The following CHSY3 variants were observed in gnomAD, a reference collection of about 807,000 sequenced individuals.
CHSY3 encodes N-acetylgalactosaminyl-proteoglycan 3-beta-glucuronosyltransferase 3.
In CHSY3, 35 loss-of-function variants were observed where a neutral mutation model predicts 67.2. That is an observed-to-expected ratio of 0.52 (90% CI 0.40 to 0.69). The LOEUF (loss-of-function observed/expected upper bound fraction) is 0.69, where lower values mean the gene tolerates loss of function less well. Among genes scored for constraint, CHSY3 ranks in the 30% least tolerant of loss-of-function variants. The pLI, the probability that CHSY3 is intolerant of heterozygous loss-of-function variation, is 0.00. For missense variants in CHSY3, 1,069 were observed against 1,138.5 expected, an observed-to-expected ratio of 0.94 and a Z score of 0.88; for synonymous variants, 474 against 434.7, an observed-to-expected ratio of 1.09 and a Z score of -1.12.
chr5:130,001,518 A>G (rs575274432), intron 2 of CHSY3: 19 of 959,392 alleles, frequency 2.0e-5, no homozygotes, highest in Middle Eastern at 5.3e-4. Context: ...AGGGCCTGGG[A>G]TGAGAACCAA....
chr5:129,907,504 A>G (rs1760352851), intron 1 of CHSY3, among the ~76,000 whole-genome samples: 1 of 152,220 alleles, frequency 6.6e-6, no homozygotes, highest in African/African-American at 2.4e-5. Flanking sequence ...ACAAACTGCA[A>G]GTGAAACCAA....
At chr5:129,979,899 T>C (rs552421734) in intron 2 of CHSY3, among the ~76,000 whole-genome samples, 1 of 152,322 alleles carries the variant, frequency 6.6e-6, no homozygotes, top group South Asian at 2.1e-4. Context: ...GCATTTAAGA[T>C]TCTCCTATGT....
In CHSY3 at chr5:130,000,902, T is replaced by C. The variant is rs562506968; in HGVS notation, c.1086+92542T>C. On this transcript the variant is annotated intron_variant, in intron 2 of 2. Transcript: ENST00000305031. ...CCTGTCTTCTTTTTTTTTTTTTTTT[T>C]CTCCAAGACAGAGTCTCGCTCTGTC... 6.4e-3 allele frequency among the ~76,000 whole-genome samples: 934 copies of C among 146,678 alleles called. 13 individuals are homozygous for C. Among genetic ancestry groups the C allele is most frequent in the African/African-American group, 0.022 (882 of 39,380 alleles).
At chr5:130,091,630 A>G (rs1254401169) in intron 2 of CHSY3, among the ~76,000 whole-genome samples, 1 of 152,206 alleles carries the variant, frequency 6.6e-6, no homozygotes, top group Non-Finnish European at 1.5e-5. Context: ...TAGGATTAAG[A>G]TAATTACACT....
chr5:130,028,686 G>A (rs1219641604), intron 2 of CHSY3, among the ~76,000 whole-genome samples: 1 of 151,792 alleles, frequency 6.6e-6, no homozygotes, highest in Admixed American at 6.6e-5. Flanking sequence ...AGAGGGTGCT[G>A]GAAAAAATCT....
At chr5:130,066,524 G>A (rs963444560) in intron 2 of CHSY3, among the ~76,000 whole-genome samples, 9 of 152,084 alleles carry the variant, frequency 5.9e-5, no homozygotes, top group African/African-American at 2.2e-4. Flanking sequence ...GGGGTGTATA[G>A]TGTAGTAGGA....
intron 2 of CHSY3, among the ~76,000 whole-genome samples, chr5:130,171,771 C>G (rs1238888752): frequency 6.6e-6 from 1 of 152,096 alleles, no homozygotes; most frequent in South Asian, 2.1e-4. Flanking sequence ...GGATTTCAAC[C>G]AAGACTGAAC....
At chr5:130,085,619 C>G (rs1051371577) in intron 2 of CHSY3, among the ~76,000 whole-genome samples, 1 of 152,032 alleles carries the variant, frequency 6.6e-6, no homozygotes, top group Non-Finnish European at 1.5e-5. Flanking sequence ...TTCAGTTCTG[C>G]TCTGATTTTA....
intron 2 of CHSY3, among the ~76,000 whole-genome samples, chr5:129,946,748 A>G (rs1394619897): frequency 6.6e-6 from 1 of 152,172 alleles, no homozygotes; most frequent in African/African-American, 2.4e-5. Flanking sequence ...TGTTGTTGCA[A>G]ATGGCAAGAT....
At chr5:130,020,422 A>AATATAT (rs1174657766) in intron 2 of CHSY3, among the ~76,000 whole-genome samples, 82 of 33,298 alleles carry the variant, frequency 2.5e-3, no homozygotes, top group African/African-American at 2.7e-3. Context: ...TTCATCTCAA[A>AATATAT]ATATATATAT....
chr5:129,926,187 G>A (rs562191981), intron 2 of CHSY3, among the ~76,000 whole-genome samples: 28 of 152,060 alleles, frequency 1.8e-4, no homozygotes, highest in East Asian at 5.8e-4. Context: ...ATTTGGTCAC[G>A]AACCAAAGTT....
intron 2 of CHSY3, among the ~76,000 whole-genome samples, chr5:129,958,121 A>T (rs904569029): frequency 6.6e-6 from 1 of 152,142 alleles, no homozygotes; most frequent in Non-Finnish European, 1.5e-5. Flanking sequence ...CAGAGCATCC[A>T]GTTATTTTTA....
At chr5:130,152,872 C>A (rs1769268377) in intron 2 of CHSY3, among the ~76,000 whole-genome samples, 1 of 152,114 alleles carries the variant, frequency 6.6e-6, no homozygotes. Context: ...TTATAAAATT[C>A]TTACTTCTGT....
intron 2 of CHSY3, among the ~76,000 whole-genome samples, chr5:129,926,934 T>C (rs543887315): frequency 3.3e-5 from 5 of 152,098 alleles, no homozygotes; most frequent in African/African-American, 4.8e-5. Flanking sequence ...GAAATTGATC[T>C]GTTGTTTTAT....
intron 2 of CHSY3, among the ~76,000 whole-genome samples, chr5:129,943,275 A>G (rs1298388964): frequency 2.0e-5 from 3 of 152,194 alleles, no homozygotes; most frequent in African/African-American, 4.8e-5. Context: ...TTTTGCAGTA[A>G]TTCAGTTACT....
intron 2 of CHSY3, among the ~76,000 whole-genome samples, chr5:130,123,359 A>G (rs1768118925): frequency 6.6e-6 from 1 of 152,164 alleles, no homozygotes; most frequent in Non-Finnish European, 1.5e-5. Flanking sequence ...TTTATAGAAG[A>G]TAGTCTTTCC....
intron 2 of CHSY3, among the ~76,000 whole-genome samples, chr5:130,144,481 T>G (rs1769012010): frequency 6.6e-6 from 1 of 151,998 alleles, no homozygotes; most frequent in African/African-American, 2.4e-5. Context: ...CTAAAAACTA[T>G]AAACCATTAA....
intron 2 of CHSY3, among the ~76,000 whole-genome samples, chr5:129,914,790 T>C (rs1760684757): frequency 6.6e-6 from 1 of 152,254 alleles, no homozygotes; most frequent in African/African-American, 2.4e-5. Flanking sequence ...AACTGATGTC[T>C]TATCACCTAA....
chr5:130,181,017 T>C (rs2149737280), intron 2 of CHSY3, among the ~76,000 whole-genome samples: 2 of 152,334 alleles, frequency 1.3e-5, no homozygotes, highest in East Asian at 3.9e-4. Flanking sequence ...TTTATTCTTC[T>C]TCTGTTAGGT....
Sources: allele counts gnomAD v4.1 joint callset (sites outside exome capture counted in the v4.1 genomes callset), GRCh38; gene constraint gnomAD v4.1.1; transcripts MANE v1.5; gene names NCBI Gene and HGNC (gene_info 2026-07-23, HGNC 2026-07-21).